Variants in ASTN1 observed in about 807,000 individuals in gnomAD.
ASTN1 encodes the protein astrotactin 1, also known as astrotactin-1.
A neutral mutation model predicts 140.7 loss-of-function variants in ASTN1; 41 were observed. The ratio of observed to expected loss-of-function variants is 0.29; its 90% CI spans 0.23 to 0.38. The LOEUF is 0.38. Among genes scored for constraint, ASTN1 ranks in the 10% least tolerant of loss-of-function variants. The probability of loss-of-function intolerance (pLI) is 1.00; values close to 1 mark genes in which losing one functional copy is unlikely to be tolerated. For missense variants in ASTN1, 1,479 were observed against 1,678.8 expected, an observed-to-expected ratio of 0.88 and a Z score of 2.08; for synonymous variants, 640 against 652.2, an observed-to-expected ratio of 0.98 and a Z score of 0.29.
At chr1:177,011,827 C>A (rs1675310343) in intron 8 of ASTN1, among the ~76,000 whole-genome samples, 1 of 149,088 alleles carries the variant, frequency 6.7e-6, no homozygotes, top group Non-Finnish European at 1.5e-5. Context: ...TCCTCCACCT[C>A]AAAAAAAAAA....
At chr1:176,918,930 C>T (rs983368674) in intron 16 of ASTN1, among the ~76,000 whole-genome samples, 7 of 152,150 alleles carry the variant, frequency 4.6e-5, no homozygotes, top group Admixed American at 1.3e-4. Context: ...CAGGTTTCTA[C>T]ACTGGCCATT....
At chr1:177,005,593 T>G (rs748063474) in intron 8 of ASTN1, among the ~76,000 whole-genome samples, 7 of 152,160 alleles carry the variant, frequency 4.6e-5, no homozygotes, top group Non-Finnish European at 8.8e-5. Context: ...CATCAACTGA[T>G]GAGTGAATAA....
At chr1:177,024,038 C>G (rs1266752643) in intron 6 of ASTN1, among the ~76,000 whole-genome samples, 1 of 152,236 alleles carries the variant, frequency 6.6e-6, no homozygotes, top group African/African-American at 2.4e-5. Flanking sequence ...CAGACATTAA[C>G]AAGTCAATTA....
intron 2 of ASTN1, among the ~76,000 whole-genome samples, chr1:177,038,548 AG>A (rs934470784): frequency 1.6e-4 from 25 of 152,324 alleles, no homozygotes; most frequent in Non-Finnish European, 2.9e-4. Flanking sequence ...AAGGAAGAAA[AG>A]GAAGAAGCAT....
Position 177,000,691 on chromosome 1 carries a change from C to T in ASTN1, c.1523+14100G>A, listed in dbSNP as rs527831660. On this transcript the variant is annotated intron_variant, in intron 8 of 22. Coordinates refer to ENST00000361833, the MANE Select transcript of ASTN1 (RefSeq NM_004319.3). ...GCATATTCTTTATTGCTCCAAAGGA[C>T]GGAGCTGACCAAACAAATGCAAGTT... is the stretch of plus-strand genomic sequence containing the variant. 1.6e-4 allele frequency among the ~76,000 whole-genome samples: 25 copies of T among 152,264 alleles called. No individual in the cohort carries two copies. The South Asian group carries it at 3.3e-3, about 20-fold the overall frequency.
At chr1:176,903,126 T>C (rs1669836941) in intron 16 of ASTN1, among the ~76,000 whole-genome samples, 1 of 152,166 alleles carries the variant, frequency 6.6e-6, no homozygotes, top group South Asian at 2.1e-4. Flanking sequence ...CAAAGCCTCA[T>C]GACAACTCAC....
At chr1:176,918,733 T>G (rs749853434) in intron 16 of ASTN1, among the ~76,000 whole-genome samples, 1 of 152,196 alleles carries the variant, frequency 6.6e-6, no homozygotes, top group Non-Finnish European at 1.5e-5. Flanking sequence ...GAAGCCATTT[T>G]CCATCCAGTG....
At chr1:176,986,082 C>T (rs1673892686) in intron 8 of ASTN1, among the ~76,000 whole-genome samples, 1 of 152,162 alleles carries the variant, frequency 6.6e-6, no homozygotes, top group Admixed American at 6.5e-5. Flanking sequence ...GCTCTTTTGT[C>T]CCTAGAAGCA....
intron 16 of ASTN1, among the ~76,000 whole-genome samples, chr1:176,895,097 C>A (rs1213836892): frequency 6.6e-6 from 1 of 152,204 alleles, no homozygotes; most frequent in African/African-American, 2.4e-5. Flanking sequence ...AGGGATCGGG[C>A]TCCATGCTGA....
intron 1 of ASTN1, among the ~76,000 whole-genome samples, chr1:177,124,519 C>G (rs768338420): frequency 6.6e-5 from 10 of 152,130 alleles, no homozygotes; most frequent in Non-Finnish European, 1.5e-4. Context: ...TGGCTAAACA[C>G]TGTATCATCT....
At chr1:177,164,279 G>A (rs1647569677) in intron 1 of ASTN1, 115 bp downstream of exon 1, 6 of 1,146,996 alleles carry the variant, frequency 5.2e-6, no homozygotes, top group Admixed American at 5.8e-5. Context: ...GGATCCGGGA[G>A]GTAGGAGTGG....
At chr1:177,093,693 G>A (rs1679884436) in intron 1 of ASTN1, among the ~76,000 whole-genome samples, 1 of 152,146 alleles carries the variant, frequency 6.6e-6, no homozygotes, top group Non-Finnish European at 1.5e-5. Flanking sequence ...CTTCTGAACA[G>A]GGCCTGGGTG....
chr1:176,892,523 A>T (rs920714199), intron 17 of ASTN1, among the ~76,000 whole-genome samples: 1 of 152,224 alleles, frequency 6.6e-6, no homozygotes, highest in Non-Finnish European at 1.5e-5. Flanking sequence ...GCCACACAAC[A>T]AGTATGAGTT....
intron 16 of ASTN1, among the ~76,000 whole-genome samples, chr1:176,897,151 T>G (rs891154249): frequency 2.0e-5 from 3 of 151,796 alleles, no homozygotes; most frequent in East Asian, 3.9e-4. Context: ...GGCGCACGCC[T>G]GTAATCCCAG....
intron 7 of ASTN1, among the ~76,000 whole-genome samples, chr1:177,018,131 A>G (rs1675648419): frequency 9.7e-6 from 1 of 103,212 alleles, no homozygotes; most frequent in African/African-American, 3.7e-5. Context: ...CTCCCTTCCC[A>G]GCAGAGACAT....
intron 11 of ASTN1, among the ~76,000 whole-genome samples, chr1:176,957,290 AG>A (rs1672448938): frequency 6.6e-6 from 1 of 152,024 alleles, no homozygotes; most frequent in South Asian, 2.1e-4. Flanking sequence ...GAGGGGACAA[AG>A]TTTTTTTTTT....
At chr1:177,058,838 C>G (rs1422385304) in intron 2 of ASTN1, among the ~76,000 whole-genome samples, 1 of 151,170 alleles carries the variant, frequency 6.6e-6, no homozygotes, top group Non-Finnish European at 1.5e-5. Context: ...AACACACACA[C>G]ACACACATAC....
chr1:177,084,042 A>G (rs1035541960), intron 1 of ASTN1, among the ~76,000 whole-genome samples: 3 of 152,176 alleles, frequency 2.0e-5, no homozygotes, highest in Non-Finnish European at 4.4e-5. Flanking sequence ...GGAGATGGAA[A>G]ATAACAAGTT....
At chr1:177,031,060 T>A in intron 3 of ASTN1, 108 bp from the exon 4 acceptor site, 1 of 1,250,134 alleles carries the variant, frequency 8.0e-7, no homozygotes, top group Non-Finnish European at 1.1e-6. Context: ...AGAATTGAAA[T>A]AAGACACCAG....
Sources: gnomAD v4.1 joint callset for allele counts (sites outside exome capture counted in the v4.1 genomes callset) on GRCh38, gnomAD v4.1.1 for gene constraint, MANE v1.5 for transcripts, NCBI Gene and HGNC (gene_info 2026-07-23, HGNC 2026-07-21) for gene names.